The following PDS5B variants were observed in gnomAD, a reference collection of about 807,000 sequenced individuals.
The protein encoded by PDS5B is PDS5 cohesin associated factor B.
In PDS5B, 51 loss-of-function variants were observed where a neutral mutation model predicts 184.1. The observed-to-expected ratio is 0.28, with a 90% CI of 0.22 to 0.35. The LOEUF (loss-of-function observed/expected upper bound fraction) is 0.35. PDS5B is among the 10% of genes least tolerant of loss of function. The pLI, the probability that PDS5B is intolerant of heterozygous loss-of-function variation, is 1.00. For synonymous variants in PDS5B, 566 were observed against 569.2 expected (o/e 0.99, Z 0.08); for missense variants, 1,180 against 1,723.3 (o/e 0.68, Z 5.58).
chr13:32,777,644 G>A lies in PDS5B; in HGVS notation c.*2592G>A, dbSNP rs1201426739. ...CATTATGAAAATCTTATTCCTCAGTGAGGTTATCTTGCTGCACTCTGTAGC... is the reference window on the plus strand; with the variant it reads ...CATTATGAAAATCTTATTCCTCAGTAAGGTTATCTTGCTGCACTCTGTAGC... On this transcript the variant is annotated 3_prime_UTR_variant, in exon 35 of 35. Transcript: ENST00000315596. 1 of 152,286 alleles carries A rather than the reference G, an allele frequency of 6.6e-6. No individual in the cohort carries two copies. Among genetic ancestry groups the A allele is most frequent in the African/African-American group, 2.4e-5 (1 of 41,414 alleles). 9.4% of individuals were successfully genotyped at this position (152,286 alleles called of 1,614,324 possible). A position where few individuals can be genotyped will look rare whatever the true frequency, so the allele number is the denominator to read the frequency against.
Position 32,709,950 on chromosome 13 carries a change from T to G in PDS5B, c.1967T>G (p.Leu656Arg). 7.2e-7 allele frequency: 1 copy of G among 1,383,824 alleles called. No homozygotes were observed. Among genetic ancestry groups the G allele is most frequent in the Non-Finnish European group, 9.5e-7 (1 of 1,049,604 alleles). 85.7% of individuals were successfully genotyped at this position (1,383,824 alleles called of 1,614,324 possible). A position where few individuals can be genotyped will look rare whatever the true frequency, so the allele number is the denominator to read the frequency against. ...IRAGLELLKV[L>R]SFTHPISFHS... ...TTTTTATGATTCATTTTATAGGTAC[T>G]CTCATTTACACATCCCATCTCATTT... The change falls in exon 19 of 35, where the codon CTC becomes CGC. Residue 656 changes from leucine (L) to arginine (R), a missense_variant. Physicochemically the swap from Leu to Arg is moderately radical, Grantham distance 102. This residue lies in a region of PDS5B where 475 missense variants were observed against 691.5 expected (regional missense o/e 0.69). Coordinates refer to ENST00000315596, the MANE Select transcript of PDS5B (RefSeq NM_015032.4).
At chr13:32,640,322 C>G (rs983546755) in intron 1 of PDS5B, among the ~76,000 whole-genome samples, 1 of 152,248 alleles carries the variant, frequency 6.6e-6, no homozygotes, top group Non-Finnish European at 1.5e-5. Context: ...TCTCAGCTCA[C>G]TGCAACCTCC....
At chr13:32,725,936 T>C (rs1048242042) in intron 19 of PDS5B, among the ~76,000 whole-genome samples, 2 of 152,192 alleles carry the variant, frequency 1.3e-5, no homozygotes, top group Admixed American at 6.5e-5. Flanking sequence ...TTTGGAATAA[T>C]AATTCTTTGG....
At chr13:32,713,884 T>G (rs909981021) in intron 19 of PDS5B, among the ~76,000 whole-genome samples, 1 of 152,172 alleles carries the variant, frequency 6.6e-6, no homozygotes, top group Non-Finnish European at 1.5e-5. Flanking sequence ...CAAGAAAAAC[T>G]AGTTATATCG....
At chr13:32,712,597 G>A (rs1294608812) in intron 19 of PDS5B, among the ~76,000 whole-genome samples, 1 of 152,172 alleles carries the variant, frequency 6.6e-6, no homozygotes, top group African/African-American at 2.4e-5. Flanking sequence ...GACAGAATTG[G>A]CACCAGATGT....
At chr13:32,673,449 A>G (rs1345746224) in intron 8 of PDS5B, 93 bp downstream of exon 8, 5 of 1,002,216 alleles carry the variant, frequency 5.0e-6, no homozygotes, top group Non-Finnish European at 5.9e-6. Context: ...TTTTAACTGA[A>G]TGTAAGAGAT....
chr13:32,767,302 A>G (rs142663434), intron 31 of PDS5B, among the ~76,000 whole-genome samples: 322 of 152,328 alleles, frequency 2.1e-3, no homozygotes, highest in African/African-American at 7.5e-3. Flanking sequence ...AGTCAATGCC[A>G]TTCTTCCTAA....
At position 32,725,932 on chromosome 13, in the gene PDS5B, A is replaced by G. The variant is rs1381680367; in HGVS notation, c.2124-6169A>G. Among the ~76,000 whole-genome samples the G allele has an allele frequency of 6.6e-5, 10 of 152,260 alleles. No individual in the cohort carries two copies. The East Asian group carries it at 1.9e-3, about 29-fold the overall frequency. On this transcript the variant is annotated intron_variant, in intron 19 of 34. Coordinates refer to ENST00000315596, the MANE Select transcript of PDS5B (RefSeq NM_015032.4). ...AATTCCCATTTTAAAGTTATTTGGA[A>G]TAATAATTCTTTGGGTGGTTATGCT...
At chr13:32,741,380 T>G (rs1345112244) in intron 22 of PDS5B, among the ~76,000 whole-genome samples, 1 of 152,198 alleles carries the variant, frequency 6.6e-6, no homozygotes, top group Non-Finnish European at 1.5e-5. Flanking sequence ...GAAAGCTGTT[T>G]CCCTGATGGC....
intron 17 of PDS5B, among the ~76,000 whole-genome samples, chr13:32,703,251 G>A (rs1217439586): frequency 1.3e-5 from 2 of 152,104 alleles, no homozygotes; most frequent in African/African-American, 4.8e-5. Flanking sequence ...ACAGAACTTT[G>A]GAAATTTTTT....
intron 2 of PDS5B, 76 bp from the exon 3 acceptor site, chr13:32,651,728 T>G (rs1950371744): frequency 1.2e-6 from 1 of 855,160 alleles, no homozygotes; most frequent in African/African-American, 1.7e-5. Context: ...ACCTTAGCAA[T>G]TAACATGACC....
At chr13:32,619,829 G>A (rs1339783183) in intron 1 of PDS5B, among the ~76,000 whole-genome samples, 2 of 152,110 alleles carry the variant, frequency 1.3e-5, no homozygotes, top group African/African-American at 2.4e-5. Context: ...ATGAAGTTTT[G>A]CTCTTGTCCT....
At chr13:32,644,312 C>G (rs1315823221) in intron 1 of PDS5B, among the ~76,000 whole-genome samples, 1 of 152,074 alleles carries the variant, frequency 6.6e-6, no homozygotes, top group African/African-American at 2.4e-5. Flanking sequence ...GCACTTTTGG[C>G]TTAACTATAT....
chr13:32,677,015 C>T (rs867648664), intron 9 of PDS5B, among the ~76,000 whole-genome samples: 10 of 149,110 alleles, frequency 6.7e-5, no homozygotes, highest in Admixed American at 3.3e-4. Flanking sequence ...GGTATGACCA[C>T]TTTCTTTACA....
chr13:32,666,456 AT>A (rs1950798690), intron 6 of PDS5B, among the ~76,000 whole-genome samples: 1 of 152,166 alleles, frequency 6.6e-6, no homozygotes, highest in Admixed American at 6.6e-5. Context: ...AAAAGAGAAG[AT>A]TTGTAATGTT....
At chr13:32,652,745 G>A (rs938394891) in intron 3 of PDS5B, 3 of 137,332 alleles carry the variant, frequency 2.2e-5, no homozygotes, top group African/African-American at 5.6e-5. Context: ...GGCTGAGTGA[G>A]ACCATCTCTA....
intron 2 of PDS5B, chr13:32,649,116 G>A: frequency 2.5e-6 from 1 of 393,778 alleles, no homozygotes; most frequent in South Asian, 3.1e-5. Flanking sequence ...CCTATACTTG[G>A]GTATAAAGAA....
chr13:32,608,147 G>A, intron 1 of PDS5B, among the ~76,000 whole-genome samples: 1 of 152,176 alleles, frequency 6.6e-6, no homozygotes, highest in Non-Finnish European at 1.5e-5. Flanking sequence ...GCTCTAGACT[G>A]GAGCTGTTCC....
At chr13:32,749,836 G>T (rs891063839) in intron 24 of PDS5B, among the ~76,000 whole-genome samples, 9 of 151,632 alleles carry the variant, frequency 5.9e-5, no homozygotes, top group African/African-American at 2.2e-4. Flanking sequence ...TATCTGGGGG[G>T]GCGGGGACAT....
Sources: allele counts gnomAD v4.1 joint callset (sites outside exome capture counted in the v4.1 genomes callset), GRCh38; gene constraint gnomAD v4.1.1; regional missense constraint gnomAD v4.1.1; transcripts MANE v1.5; gene names NCBI Gene and HGNC (gene_info 2026-07-23, HGNC 2026-07-21).